The following SEMA6C variants were observed in gnomAD, a reference collection of about 807,000 sequenced individuals.
The protein encoded by SEMA6C is semaphorin 6C.
Under a neutral mutation model 72.9 loss-of-function variants are expected in SEMA6C, and 37 were observed. The ratio of observed to expected loss-of-function variants is 0.51; its 90% CI spans 0.39 to 0.67. The LOEUF (loss-of-function observed/expected upper bound fraction) is 0.67. Ranked by LOEUF, SEMA6C falls within the 30% of genes least tolerant of loss-of-function variation. The pLI, the probability that SEMA6C is intolerant of heterozygous loss-of-function variation, is 0.00. For missense variants in SEMA6C, 1,189 were observed against 1,263.6 expected (o/e 0.94, Z 0.89); for synonymous variants, 578 against 554.1 (o/e 1.04, Z -0.61).
intron 4 of SEMA6C, 112 bp downstream of exon 4, chr1:151,139,864 T>G: frequency 8.1e-7 from 1 of 1,237,016 alleles, no homozygotes; most frequent in Non-Finnish European, 1.2e-6. Flanking sequence ...CCACACCCCG[T>G]GGCTTGTGCA....
intron 13 of SEMA6C, 71 bp from the exon 14 acceptor site, chr1:151,135,835 G>T: frequency 6.4e-7 from 1 of 1,557,970 alleles, no homozygotes; most frequent in Non-Finnish European, 8.8e-7. Flanking sequence ...GAGCCCAACT[G>T]CCTTGGTAGC....
chr1:151,135,221 A>C lies in SEMA6C; in HGVS notation c.1522T>G (p.Ser508Ala), dbSNP rs906913269. ...AGAGGGAGGTAGACAATACAGCCAG[A>C]AAAAGCCACAAAAAGCCTGTGACCC... ...TEGHRLFVAFSGCIVYLPLSR... is the reference protein window; with the variant it reads ...TEGHRLFVAFAGCIVYLPLSR... Residue 508 changes from serine (S) to alanine (A), a missense_variant, in exon 15 of 19, where the codon TCT becomes GCT. Transcript: ENST00000368914. 1.1e-5 allele frequency: 18 copies of C among 1,614,176 alleles called. No individual in the cohort carries two copies. Among genetic ancestry groups the C allele is most frequent in the Non-Finnish European group, 1.2e-5 (14 of 1,180,014 alleles).
intron 3 of SEMA6C, among the ~76,000 whole-genome samples, chr1:151,141,220 G>C (rs1572042405): frequency 1.8e-4 from 1 of 5,544 alleles, no homozygotes; most frequent in Non-Finnish European, 3.7e-4. Context: ...GCTTATTGGT[G>C]GGTGGTACCA....
intron 6 of SEMA6C, among the ~76,000 whole-genome samples, chr1:151,139,107 A>G (rs993070264): frequency 4.4e-4 from 67 of 151,884 alleles, no homozygotes; most frequent in East Asian, 7.7e-4. Context: ...AAAAAAAAAA[A>G]AAAAGAAAAG....
intron 18 of SEMA6C, chr1:151,134,172 T>C: frequency 1.2e-6 from 1 of 815,390 alleles, no homozygotes; most frequent in South Asian, 1.8e-5. Flanking sequence ...CAGCCTCTAG[T>C]TTCTTCTGGG....
intron 13 of SEMA6C, 83 bp downstream of exon 13, chr1:151,135,928 A>G: frequency 6.3e-7 from 1 of 1,580,350 alleles, no homozygotes; most frequent in Non-Finnish European, 8.7e-7. Flanking sequence ...CCTCCCACCA[A>G]TGCGGTTTAC....
At position 151,137,179 on chromosome 1, in the gene SEMA6C, C is replaced by A. The variant is rs1292524957; in HGVS notation, c.757-105G>T. On this transcript the variant is annotated intron_variant, in intron 10 of 18. Coordinates refer to ENST00000368914, the MANE Select transcript of SEMA6C (RefSeq NM_030913.6). The stretch of plus-strand genomic sequence containing the variant: ...AGCAGTAAGGGGCTGGGCGCGGTGG[C>A]TCACGCCTGTAATCCCAACACTTTG... The A allele has an allele frequency of 4.2e-6, 4 of 956,244 alleles. No homozygotes were observed. The East Asian group carries it at 7.4e-5, about 18-fold the overall frequency. The allele number at this position is 956,244 out of a possible 1,614,324, so 59.2% of individuals were successfully genotyped here.
At position 151,133,096 on chromosome 1, in the gene SEMA6C, G is replaced by T; in HGVS notation, c.2181C>A (p.Asn727Lys). The change falls in exon 19 of 19, where the codon AAC becomes AAA. Residue 727 changes from asparagine (N) to lysine (K), a missense_variant. Around this residue, in one of 2 missense-constraint regions of SEMA6C, gnomAD observed 721 missense variants for 686.2 expected, o/e 1.05. Transcript: ENST00000368914. The surrounding 1 kb of genome is among the most constrained non-coding windows in gnomAD (Gnocchi z 5.9). ...DPWEWNQNRN[N>K]AKEGPGRSRG... ...GTGAGCGGCCCGGACCCTCCTTGGC[G>T]TTGTTCCTGTTCTGGTTCCACTCCC... 1 of 1,559,854 alleles carries T rather than the reference G, an allele frequency of 6.4e-7. No individual in the cohort carries two copies.
intron 3 of SEMA6C, 49 bp downstream of exon 3, chr1:151,142,455 G>T: frequency 6.2e-7 from 1 of 1,609,856 alleles, no homozygotes; most frequent in Non-Finnish European, 8.5e-7. Context: ...GGGGGTCTCA[G>T]TCTCTAATTG....
At chr1:151,144,778 C>T (rs1326596589) in intron 1 of SEMA6C, among the ~76,000 whole-genome samples, 3 of 152,182 alleles carry the variant, frequency 2.0e-5, no homozygotes, top group South Asian at 2.1e-4. Flanking sequence ...TTAGCAAAAG[C>T]GCCTTAGCTA....
In SEMA6C at chr1:151,132,830, G is replaced by T. The variant is rs1220459855; in HGVS notation, c.2447C>A (p.Ser816Ter). 3.9e-6 allele frequency: 5 copies of T among 1,292,404 alleles called. No homozygotes were observed. The highest frequency in any genetic ancestry group is 2.1e-5 in the South Asian group (1 of 47,816). 80.1% of individuals were successfully genotyped at this position (1,292,404 alleles called of 1,614,324 possible). A position where few individuals can be genotyped will look rare whatever the true frequency, so the allele number is the denominator to read the frequency against. The change falls in exon 19 of 19, where the codon TCG becomes TAG. Residue 816 changes from serine to a stop codon, truncating the protein, a stop_gained. Coordinates refer to ENST00000368914, the MANE Select transcript of SEMA6C (RefSeq NM_030913.6). LOFTEE classifies it low-confidence loss of function (END_TRUNC). ...GPSPRPHECA[S>*]PLRLDVPPEG... ...GGGGGGCACGTCCAGCCTCAGCGGC[G>T]AGGCGCACTCGTGGGGCCTGGGGCT...
In SEMA6C at chr1:151,137,007, C is replaced by G; in HGVS notation, c.824G>C (p.Arg275Pro). ...AAGCTTCAGGAAGGATGTCCAGTGGCGGTCCAAGGCCCGAGGCGAGCCGCC... is the reference window on the plus strand; with the variant it reads ...AAGCTTCAGGAAGGATGTCCAGTGGGGGTCCAAGGCCCGAGGCGAGCCGCC... ...DMGGSPRALD[R>P]HWTSFLKLRL... The change falls in exon 11 of 19, where the codon CGC becomes CCC. Residue 275 changes from arginine (R) to proline (P), a missense_variant. Coordinates refer to ENST00000368914, the MANE Select transcript of SEMA6C (RefSeq NM_030913.6). 6.2e-7 allele frequency: 1 copy of G among 1,614,118 alleles called. No homozygotes were observed. Among genetic ancestry groups the G allele is most frequent in the Non-Finnish European group, 8.5e-7 (1 of 1,180,038 alleles).
chr1:151,136,347 C>T, intron 12 of SEMA6C, 101 bp downstream of exon 12: 1 of 1,527,492 alleles, frequency 6.5e-7, no homozygotes, highest in South Asian at 1.3e-5. Flanking sequence ...TATAGCTCCC[C>T]ACCCTGAGGC....
In SEMA6C at chr1:151,134,673, G is replaced by T. The variant is rs748451995; in HGVS notation, c.1661C>A (p.Thr554Asn). 3 of 1,614,132 alleles carry T rather than the reference G, an allele frequency of 1.9e-6. No individual in the cohort carries two copies. The Admixed American group carries it at 5.0e-5, about 27-fold the overall frequency. ...GCVDIRGSGG[T>N]DVDQAGNQES... ...CTGGTTCCCAGCCTGATCCACATCA[G>T]TCCTAGGAGGAAAACGAAGTGGCTA... Residue 554 changes from threonine to asparagine, a missense_variant and splice_region_variant, in exon 17 of 19, where the codon ACT (threonine) becomes AAT (asparagine). By Grantham distance (65) the Thr-to-Asn change is moderately conservative. Around this residue, in one of 2 missense-constraint regions of SEMA6C, gnomAD observed 721 missense variants for 686.2 expected, o/e 1.05. Transcript: ENST00000368914.
chr1:151,132,663 G>C lies in SEMA6C; in HGVS notation c.2614C>G (p.Pro872Ala). 1.3e-6 allele frequency: 2 copies of C among 1,549,590 alleles called. No homozygotes were observed. Among genetic ancestry groups the C allele is most frequent in the Admixed American group, 2.0e-5 (1 of 50,930 alleles). ...CCGGGACCCCCGGAGTACCTGGAGG[G>C]ACCTCCCGAGGGGACTCGAGTGAGC... The part of the protein sequence containing the change: ...ALLTRVPSGG[P>A]SRYSGGPGKH... The change falls in exon 19 of 19, where the codon CCC (proline) becomes GCC (alanine). Residue 872 changes from proline (P) to alanine (A), a missense_variant. Pro to Ala is a conservative substitution (Grantham distance 27, BLOSUM62 -1). Around this residue, in one of 2 missense-constraint regions of SEMA6C, gnomAD observed 721 missense variants for 686.2 expected, o/e 1.05. Coordinates refer to ENST00000368914, the MANE Select transcript of SEMA6C (RefSeq NM_030913.6).
chr1:151,139,304 C>G (rs1448526606), intron 6 of SEMA6C, 121 bp downstream of exon 6: 1 of 825,766 alleles, frequency 1.2e-6, no homozygotes, highest in Non-Finnish European at 2.1e-6. Flanking sequence ...TTCTCATTTT[C>G]CCCTGTGGCC....
chr1:151,141,830 C>G (rs1441714667), intron 3 of SEMA6C, among the ~76,000 whole-genome samples: 1 of 151,156 alleles, frequency 6.6e-6, no homozygotes, highest in Non-Finnish European at 1.5e-5. Flanking sequence ...TCACAGGCGC[C>G]ATCACAGAGC....
At chr1:151,134,262 A>G (rs1440080279) in intron 18 of SEMA6C, 139 bp downstream of exon 18, 2 of 869,840 alleles carry the variant, frequency 2.3e-6, no homozygotes, top group Admixed American at 4.0e-5. Flanking sequence ...ACTGAGCTAC[A>G]TGCTGGGTAT....
Position 151,133,146 on chromosome 1 carries a change from G to C in SEMA6C, c.2131C>G (p.His711Asp), listed in dbSNP as rs959548525. The change falls in exon 19 of 19, where the codon CAC becomes GAC. Residue 711 changes from histidine to aspartate, a missense_variant. Transcript: ENST00000368914. The surrounding 1 kb of genome is among the most constrained non-coding windows in gnomAD (Gnocchi z 5.9). The part of the protein sequence containing the change: ...PESTPELPVK[H>D]LRAAGDPWEW... ...CAGGGGTCCCCGGCGGCGCGGAGGT[G>C]CTTGACCGGCAGCTCCGGCGTGGAC... The C allele has an allele frequency of 1.3e-6, 2 of 1,554,850 alleles. No homozygotes were observed. Among genetic ancestry groups the C allele is most frequent in the Non-Finnish European group, 1.7e-6 (2 of 1,163,472 alleles).
Sources: allele counts gnomAD v4.1 joint callset (sites outside exome capture counted in the v4.1 genomes callset), GRCh38; gene constraint gnomAD v4.1.1; regional missense constraint gnomAD v4.1.1; non-coding constraint Gnocchi (gnomAD v3.1); transcripts MANE v1.5; gene names NCBI Gene and HGNC (gene_info 2026-07-23, HGNC 2026-07-21).